Variants in PCDHGB2 observed in about 807,000 individuals in gnomAD.
PCDHGB2 encodes protocadherin gamma-B2.
A neutral mutation model predicts 59.3 loss-of-function variants in PCDHGB2; 55 were observed. The ratio of observed to expected loss-of-function variants is 0.93; its 90% CI spans 0.75 to 1.16. The LOEUF is 1.16. PCDHGB2 is among the 50% of genes most tolerant of loss of function. The probability of loss-of-function intolerance (pLI) is 0.00; values close to 1 mark genes in which losing one functional copy is unlikely to be tolerated. For synonymous variants in PCDHGB2, 516 were observed against 512.0 expected, an observed-to-expected ratio of 1.01 and a Z score of -0.11; for missense variants, 1,228 against 1,198.5, an observed-to-expected ratio of 1.02 and a Z score of -0.36.
chr5:141,389,695 A>G, intron 1 of PCDHGB2: 1 of 1,612,564 alleles, frequency 6.2e-7, no homozygotes, highest in Non-Finnish European at 8.5e-7. Context: ...TGGCTGTCCT[A>G]CCACGTGCTG....
intron 1 of PCDHGB2, chr5:141,422,637 C>T (rs980166515): frequency 8.7e-5 from 141 of 1,612,568 alleles, no homozygotes; most frequent in Non-Finnish European, 1.2e-4. Flanking sequence ...CCAGGGGTGC[C>T]TCCATCTTCT....
Position 141,477,376 on chromosome 5 carries a change from G to A in PCDHGB2, c.2422-17431G>A. The A allele has an allele frequency of 6.2e-7, 1 of 1,614,146 alleles. No homozygotes were observed. Among genetic ancestry groups the A allele is most frequent in the Non-Finnish European group, 8.5e-7 (1 of 1,180,026 alleles). ...GTGCAGACCTGGATCGGGAGACTGT[G>A]CCAGAATACAACCTCAGCATCACCG... On this transcript the variant is annotated intron_variant, in intron 1 of 3. Transcript: ENST00000522605. This position sits in a 1 kb window ranked among gnomAD's most constrained non-coding sequence, Gnocchi z 4.9.
At chr5:141,426,096 T>C (rs1296875718) in intron 1 of PCDHGB2, among the ~76,000 whole-genome samples, 6 of 152,230 alleles carry the variant, frequency 3.9e-5, no homozygotes, top group Non-Finnish European at 8.8e-5. Flanking sequence ...GATATTCTGT[T>C]CAGTCACAGA....
chr5:141,460,681 A>G (rs2098995379), intron 1 of PCDHGB2, among the ~76,000 whole-genome samples: 1 of 152,134 alleles, frequency 6.6e-6, no homozygotes, highest in African/African-American at 2.4e-5. Context: ...ATATATCTAT[A>G]TATCCACCAA....
At chr5:141,446,401 T>C (rs1321106896) in intron 1 of PCDHGB2, among the ~76,000 whole-genome samples, 1 of 152,166 alleles carries the variant, frequency 6.6e-6, no homozygotes, top group African/African-American at 2.4e-5. Context: ...AGAAATCGAG[T>C]TGAGTTCCAG....
chr5:141,371,304 A>G (rs745344777), intron 1 of PCDHGB2: 18 of 1,613,870 alleles, frequency 1.1e-5, no homozygotes, highest in East Asian at 4.5e-5. Context: ...ACTCACCACT[A>G]TTGGAGAACT....
At chr5:141,365,654 G>A (rs952946348) in intron 1 of PCDHGB2, 4 of 1,613,378 alleles carry the variant, frequency 2.5e-6, no homozygotes, top group Non-Finnish European at 3.4e-6. Flanking sequence ...CCCCTTGAAA[G>A]TAGCAGACGT....
intron 1 of PCDHGB2, among the ~76,000 whole-genome samples, chr5:141,466,909 ACTC>A (rs1249720055): frequency 6.6e-6 from 1 of 151,110 alleles, no homozygotes; most frequent in Non-Finnish European, 1.5e-5. Flanking sequence ...GTTTTTGAAA[ACTC>A]CTTGTATTAG....
chr5:141,410,837 TTTTGTC>T, intron 1 of PCDHGB2: 3 of 501,732 alleles, frequency 6.0e-6, no homozygotes. Context: ...ACTGAAGATA[TTTTGTC>T]TTTGTCTTTT....
intron 1 of PCDHGB2, among the ~76,000 whole-genome samples, chr5:141,449,561 C>T (rs777459619): frequency 2.7e-4 from 39 of 147,008 alleles, no homozygotes; most frequent in Non-Finnish European, 4.6e-4. Flanking sequence ...TGCACTCCAG[C>T]CTGGGCGACA....
intron 2 of PCDHGB2, among the ~76,000 whole-genome samples, chr5:141,499,115 C>G (rs940275925): frequency 6.6e-6 from 1 of 152,124 alleles, no homozygotes; most frequent in Non-Finnish European, 1.5e-5. Flanking sequence ...CACCACTATC[C>G]CTTCTCAGGT....
rs1259490084 is a variant in PCDHGB2, at chr5:141,360,812, C to A, written c.677C>A (p.Thr226Asn). ...DGGDPPQSGT[T>N]QIRIKVTDAN... The stretch of plus-strand genomic sequence containing the variant: ...GGAGACCCACCTCAAAGTGGCACGA[C>A]CCAAATCCGAATCAAAGTCACGGAT... Residue 226 changes from threonine to asparagine, a missense_variant, in exon 1 of 4, where the codon ACC becomes AAC. This residue lies in a region of PCDHGB2 where 781 missense variants were observed against 721.6 expected (regional missense o/e 1.08). Transcript: ENST00000522605. 1.2e-6 allele frequency: 2 copies of A among 1,613,952 alleles called. No individual in the cohort carries two copies. The highest frequency in any genetic ancestry group is 1.1e-5 in the South Asian group (1 of 91,082).
intron 1 of PCDHGB2, chr5:141,384,896 A>G (rs1588983120): frequency 1.2e-6 from 2 of 1,613,766 alleles, no homozygotes; most frequent in African/African-American, 1.3e-5. Flanking sequence ...GCTGTGGCTG[A>G]CAGCATCCCC....
intron 1 of PCDHGB2, chr5:141,409,675 AG>A (rs2095301185): frequency 1.9e-6 from 3 of 1,613,304 alleles, no homozygotes; most frequent in African/African-American, 2.7e-5. Flanking sequence ...CCTACTCTAT[AG>A]TGGCGAGTGA....
chr5:141,450,207 A>AAGG (rs1164364390), intron 1 of PCDHGB2, among the ~76,000 whole-genome samples: 13 of 151,832 alleles, frequency 8.6e-5, no homozygotes, highest in Non-Finnish European at 1.8e-4. Flanking sequence ...TAGTAGAGAC[A>AAGG]AGGTTTCACT....
chr5:141,412,385 A>G (rs1041538045), intron 1 of PCDHGB2: 8 of 152,236 alleles, frequency 5.3e-5, no homozygotes, highest in African/African-American at 1.9e-4. Flanking sequence ...AAATAGGTCC[A>G]TTTAACTTGT....
intron 1 of PCDHGB2, chr5:141,414,738 C>A: frequency 6.2e-7 from 1 of 1,614,238 alleles, no homozygotes; most frequent in Non-Finnish European, 8.5e-7. Context: ...TGTATGCACT[C>A]AGATCCTTCG....
rs561824381 is a variant in PCDHGB2 at position 141,449,084 on chromosome 5, C to T, written c.2422-45723C>T. Among the ~76,000 whole-genome samples, 8 of 152,250 alleles carry T rather than the reference C, an allele frequency of 5.3e-5. No individual in the cohort carries two copies. In the East Asian group the frequency reaches 1.4e-3, roughly 26 times the overall value. The stretch of plus-strand genomic sequence containing the variant: ...CTATTGAATAGCCCTGTACCTACAT[C>T]AGTTTTTACATATGCAGTATATCTT... On this transcript the variant is annotated intron_variant, in intron 1 of 3. Transcript: ENST00000522605.
chr5:141,431,071 A>G lies in PCDHGB2; in HGVS notation c.2422-63736A>G. The G allele has an allele frequency of 6.2e-7, 1 of 1,614,244 alleles. No homozygotes were observed. On this transcript the variant is annotated intron_variant, in intron 1 of 3. Coordinates refer to ENST00000522605, the MANE Select transcript of PCDHGB2 (RefSeq NM_018923.3). The surrounding 1 kb of genome is among the most constrained non-coding windows in gnomAD (Gnocchi z 4.8). ...GTATGGGGGCCATCAAGTGTCAATTAAATCTAGACATTCTGATGGAGGATA... is the reference window on the plus strand; with the variant it reads ...GTATGGGGGCCATCAAGTGTCAATTGAATCTAGACATTCTGATGGAGGATA...
Sources: allele counts gnomAD v4.1 joint callset (sites outside exome capture counted in the v4.1 genomes callset), GRCh38; gene constraint gnomAD v4.1.1; regional missense constraint gnomAD v4.1.1; non-coding constraint Gnocchi (gnomAD v3.1); transcripts MANE v1.5; gene names NCBI Gene and HGNC (gene_info 2026-07-23, HGNC 2026-07-21).